The following COL26A1 variants were observed in gnomAD, a reference collection of about 807,000 sequenced individuals.
The protein encoded by COL26A1 is collagen type XXVI alpha 1 chain.
COL26A1 carries 41 observed loss-of-function variants against 59.3 expected under a neutral mutation model. The observed-to-expected ratio is 0.69, with a 90% confidence interval of 0.54 to 0.90. The LOEUF is 0.90. Ranked by LOEUF, COL26A1 falls within the 40% of genes least tolerant of loss-of-function variation. The pLI, the probability that COL26A1 is intolerant of heterozygous loss-of-function variation, is 0.00. For missense variants in COL26A1, 612 were observed against 602.3 expected (o/e 1.02, Z -0.17); for synonymous variants, 266 against 256.0 (o/e 1.04, Z -0.37).
chr7:101,362,841 G>C, upstream of COL26A1: 1 of 575,862 alleles, frequency 1.7e-6, no homozygotes, highest in South Asian at 2.2e-5. Flanking sequence ...CCACCTCGCC[G>C]AATTTGAAAA....
chr7:101,528,543 T>C (rs745893939), intron 3 of COL26A1, among the ~76,000 whole-genome samples: 1 of 149,884 alleles, frequency 6.7e-6, no homozygotes, highest in Non-Finnish European at 1.5e-5. Context: ...TCCCCTCCTG[T>C]CCTCTCCCTT....
intron 3 of COL26A1, among the ~76,000 whole-genome samples, chr7:101,529,406 T>A (rs1795318798): frequency 6.6e-6 from 1 of 151,972 alleles, no homozygotes; most frequent in Non-Finnish European, 1.5e-5. Flanking sequence ...GTAGCTGGGA[T>A]TTTAGGCATC....
intron 1 of COL26A1, among the ~76,000 whole-genome samples, chr7:101,393,510 T>C (rs1197530213): frequency 6.6e-6 from 1 of 152,182 alleles, no homozygotes; most frequent in African/African-American, 2.4e-5. Flanking sequence ...CCCACCCAGA[T>C]TGAGGGTGGG....
chr7:101,460,326 T>C (rs907844419), intron 3 of COL26A1, among the ~76,000 whole-genome samples: 1 of 152,050 alleles, frequency 6.6e-6, no homozygotes, highest in Non-Finnish European at 1.5e-5. Context: ...GAGGTAGAGA[T>C]CTGGGTGATC....
intron 5 of COL26A1, among the ~76,000 whole-genome samples, chr7:101,540,452 C>T (rs1795589493): frequency 6.6e-6 from 1 of 150,422 alleles, no homozygotes; most frequent in African/African-American, 2.4e-5. Flanking sequence ...GCAGGAGAAT[C>T]GCTTGAACCC....
At chr7:101,524,388 T>C (rs1040348206) in intron 3 of COL26A1, among the ~76,000 whole-genome samples, 1 of 152,024 alleles carries the variant, frequency 6.6e-6, no homozygotes, top group Non-Finnish European at 1.5e-5. Flanking sequence ...ATCAAGACAA[T>C]TTATCAGGCA....
chr7:101,538,305 G>A (rs571137066), intron 4 of COL26A1, among the ~76,000 whole-genome samples: 1 of 152,332 alleles, frequency 6.6e-6, no homozygotes, highest in African/African-American at 2.4e-5. Context: ...CGTGTGATCT[G>A]AGCCAGCTGT....
At chr7:101,464,989 G>A (rs558546257) in intron 3 of COL26A1, among the ~76,000 whole-genome samples, 1 of 151,258 alleles carries the variant, frequency 6.6e-6, no homozygotes, top group Non-Finnish European at 1.5e-5. Flanking sequence ...TGGTATTATA[G>A]GTGTAAGTCA....
At chr7:101,532,869 C>A (rs75622700) in intron 3 of COL26A1, among the ~76,000 whole-genome samples, 1 of 152,138 alleles carries the variant, frequency 6.6e-6, no homozygotes, top group South Asian at 2.1e-4. Flanking sequence ...TAGTGTACTG[C>A]GCGTGCTCAG....
chr7:101,525,400 C>G (rs996956395), intron 3 of COL26A1, among the ~76,000 whole-genome samples: 3 of 151,220 alleles, frequency 2.0e-5, no homozygotes, highest in African/African-American at 7.3e-5. Context: ...CCAGGATGGT[C>G]TTGATCTCCT....
At chr7:101,552,420 G>A (rs1378881505) in intron 10 of COL26A1, among the ~76,000 whole-genome samples, 1 of 151,940 alleles carries the variant, frequency 6.6e-6, no homozygotes, top group South Asian at 2.1e-4. Context: ...GGCCACCCTG[G>A]ACAACATAGT....
At chr7:101,502,342 AAAC>A (rs760458711) in intron 3 of COL26A1, among the ~76,000 whole-genome samples, 2 of 152,116 alleles carry the variant, frequency 1.3e-5, no homozygotes, top group Admixed American at 6.5e-5. Flanking sequence ...ACTCAGTCTC[AAAC>A]AACAACAACA....
At chr7:101,435,985 T>A (rs565371122) in intron 2 of COL26A1, among the ~76,000 whole-genome samples, 1 of 152,140 alleles carries the variant, frequency 6.6e-6, no homozygotes. Context: ...TGGATTGAAG[T>A]GCTTTCTTAA....
Position 101,458,804 on chromosome 7 carries a change from C to CTTT in COL26A1, c.385+11029_385+11031dup, listed in dbSNP as rs35208249. On this transcript the variant is annotated intron_variant, in intron 3 of 12. Coordinates refer to ENST00000313669, the MANE Select transcript of COL26A1 (RefSeq NM_001278563.3). ...GCCAGTGTAGAACTGAAACCTGGGT[C>CTTT]TTTTTTTTTTTTTTGGAGACATGGT... 2.5e-3 allele frequency among the ~76,000 whole-genome samples: 345 copies of CTTT among 140,448 alleles called. 14 individuals are homozygous for CTTT. The highest frequency in any genetic ancestry group is 0.011 in the Middle Eastern group (3 of 282). 92.1% of individuals were successfully genotyped at this position (140,448 alleles called of 152,430 possible). A position where few individuals can be genotyped will look rare whatever the true frequency, so the allele number is the denominator to read the frequency against.
At chr7:101,527,647 A>G (rs1265627186) in intron 3 of COL26A1, among the ~76,000 whole-genome samples, 1 of 152,142 alleles carries the variant, frequency 6.6e-6, no homozygotes, top group Non-Finnish European at 1.5e-5. Context: ...TCTTTCACAC[A>G]CACACTTGCT....
chr7:101,449,913 C>T (rs1367847833), intron 3 of COL26A1, among the ~76,000 whole-genome samples: 2 of 152,102 alleles, frequency 1.3e-5, no homozygotes, highest in African/African-American at 2.4e-5. Context: ...CACTTGAGGT[C>T]AGGAGTTCGA....
intron 7 of COL26A1, 147 bp downstream of exon 7, chr7:101,545,637 C>A: frequency 1.3e-6 from 1 of 760,038 alleles, no homozygotes; most frequent in Non-Finnish European, 2.0e-6. Context: ...CAGGCCTCCT[C>A]CAGGAAGCCC....
chr7:101,506,293 C>G (rs1329269891), intron 3 of COL26A1, among the ~76,000 whole-genome samples: 1 of 152,262 alleles, frequency 6.6e-6, no homozygotes, highest in African/African-American at 2.4e-5. Context: ...TTTCTGCACA[C>G]AGAGCTGCTC....
At chr7:101,375,103 T>C (rs997934738) in intron 1 of COL26A1, among the ~76,000 whole-genome samples, 4 of 151,782 alleles carry the variant, frequency 2.6e-5, no homozygotes, top group African/African-American at 9.7e-5. Context: ...AGAGGAAGGC[T>C]GTGAAGAGTA....
Sources: allele counts gnomAD v4.1 joint callset (sites outside exome capture counted in the v4.1 genomes callset), GRCh38; gene constraint gnomAD v4.1.1; transcripts MANE v1.5; gene names NCBI Gene and HGNC (gene_info 2026-07-23, HGNC 2026-07-21).